Variants in DCHS2 observed in about 807,000 individuals in gnomAD.
The protein encoded by DCHS2 is protocadherin-23.
A neutral mutation model predicts 182.4 loss-of-function variants in DCHS2; 142 were observed. The observed-to-expected ratio is 0.78, with a 90% CI of 0.68 to 0.89. The LOEUF (loss-of-function observed/expected upper bound fraction) is 0.89, where lower values mean the gene tolerates loss of function less well. Ranked by LOEUF, DCHS2 falls within the 40% of genes least tolerant of loss-of-function variation. The pLI, the probability that DCHS2 is intolerant of heterozygous loss-of-function variation, is 0.00. For synonymous variants in DCHS2, 1,740 were observed against 1,663.3 expected, an observed-to-expected ratio of 1.05 and a Z score of -1.12; for missense variants, 4,319 against 4,198.6, an observed-to-expected ratio of 1.03 and a Z score of -0.79.
rs1017604735 is a variant in DCHS2 at position 154,323,078 on chromosome 4, A to T, written c.4019-590T>A. Reference sequence around the variant, plus strand: ...ATGGATTCCTGCCACCCATCTCTCTATTTGTCCTTGCAATTTATTTGTTGA... The same window carrying T: ...ATGGATTCCTGCCACCCATCTCTCTTTTTGTCCTTGCAATTTATTTGTTGA... On this transcript the variant is annotated intron_variant, in intron 7 of 19. Coordinates refer to ENST00000357232, the MANE Select transcript of DCHS2 (RefSeq NM_001358235.2). The T allele has an allele frequency of 2.8e-5, 28 of 1,012,620 alleles. No individual in the cohort carries two copies. The African/African-American group carries it at 4.3e-4, about 16-fold the overall frequency. 62.7% of individuals were successfully genotyped at this position (1,012,620 alleles called of 1,614,324 possible). A position where few individuals can be genotyped will look rare whatever the true frequency, so the allele number is the denominator to read the frequency against.
chr4:154,309,000 C>T (rs923477478), intron 10 of DCHS2, among the ~76,000 whole-genome samples: 2 of 152,124 alleles, frequency 1.3e-5, no homozygotes, highest in Admixed American at 1.3e-4. Context: ...AATACCTTAC[C>T]ACAGTCCACA....
At chr4:154,458,171 A>ATTATTTTTAAATGAAATACTTCAAT (rs146567473) in intron 1 of DCHS2, among the ~76,000 whole-genome samples, 27,138 of 151,686 alleles carry the variant, frequency 0.18, 2,977 homozygotes, top group Non-Finnish European at 0.26. Context: ...TTAGTATAAC[A>ATTATTTTTAAATGAAATACTTCAAT]TTATTTTTAA....
chr4:154,485,417 T>C (rs1728551125), intron 1 of DCHS2, among the ~76,000 whole-genome samples: 1 of 152,060 alleles, frequency 6.6e-6, no homozygotes, highest in African/African-American at 2.4e-5. Context: ...GAGGCAGAAT[T>C]TAGTACAGTG....
In DCHS2 at chr4:154,314,941, TA is replaced by T. The variant is rs1402478604; in HGVS notation, c.5260+806del. On this transcript the variant is annotated intron_variant, in intron 10 of 19. Transcript: ENST00000357232. The stretch of plus-strand genomic sequence containing the variant: ...GCTGTGAATAAGAAACACAGCACTG[TA>T]ATTTTTGTAATTATTTTGTTTAAGA... Among the ~76,000 whole-genome samples, 39 of 152,304 alleles carry T rather than the reference TA, an allele frequency of 2.6e-4. No homozygotes were observed. In the South Asian group the frequency reaches 5.8e-3, roughly 23 times the overall value.
intron 1 of DCHS2, among the ~76,000 whole-genome samples, chr4:154,394,114 G>A (rs1314449606): frequency 6.6e-6 from 1 of 152,100 alleles, no homozygotes; most frequent in Non-Finnish European, 1.5e-5. Flanking sequence ...GGCTAGGAGA[G>A]GACCCATCAC....
intron 16 of DCHS2, among the ~76,000 whole-genome samples, chr4:154,249,985 C>T (rs1213014099): frequency 6.6e-6 from 1 of 151,908 alleles, no homozygotes; most frequent in Non-Finnish European, 1.5e-5. Flanking sequence ...AACCTGCACA[C>T]ATGTCTCCTG....
At chr4:154,485,394 A>G (rs1452461548) in intron 1 of DCHS2, among the ~76,000 whole-genome samples, 2 of 152,222 alleles carry the variant, frequency 1.3e-5, no homozygotes, top group African/African-American at 2.4e-5. Context: ...AGAAACAGAT[A>G]CACGCCTCTT....
chr4:154,428,901 C>T (rs1733445162), intron 1 of DCHS2, among the ~76,000 whole-genome samples: 1 of 151,052 alleles, frequency 6.6e-6, no homozygotes, highest in Non-Finnish European at 1.5e-5. Context: ...CAGAGCGAGA[C>T]TCCATCTCAA....
At chr4:154,284,954 C>T (rs934323460) in intron 13 of DCHS2, among the ~76,000 whole-genome samples, 1 of 152,098 alleles carries the variant, frequency 6.6e-6, no homozygotes, top group African/African-American at 2.4e-5. Context: ...CAGCTTATAA[C>T]TCCAGGACAG....
intron 14 of DCHS2, among the ~76,000 whole-genome samples, chr4:154,264,520 C>G (rs1733151030): frequency 6.6e-6 from 1 of 152,004 alleles, no homozygotes; most frequent in African/African-American, 2.4e-5. Flanking sequence ...AGTCACATAG[C>G]CCAACATTTG....
chr4:154,415,536 A>G (rs1386219823), intron 1 of DCHS2, among the ~76,000 whole-genome samples: 1 of 152,184 alleles, frequency 6.6e-6, no homozygotes, highest in Non-Finnish European at 1.5e-5. Context: ...TTTTTGGAGA[A>G]GCAACCAGAG....
At chr4:154,371,132 A>C (rs1730625393) in intron 2 of DCHS2, among the ~76,000 whole-genome samples, 1 of 152,058 alleles carries the variant, frequency 6.6e-6, no homozygotes. Context: ...AATGATGAGG[A>C]AACTGGTGAA....
In DCHS2 at chr4:154,298,486, C is replaced by G. The variant is rs957206467; in HGVS notation, c.5828G>C (p.Arg1943Thr). ...CACTGTTCCCACTTCAGCATCTTCT[C>G]TCACAGAGGACTGGTAATAAAGTGT... ...FPTLYYQSSV[R>T]EDAEVGTVVL... Residue 1943 changes from arginine to threonine, a missense_variant, in exon 13 of 20, where the codon AGA becomes ACA. Coordinates refer to ENST00000357232, the MANE Select transcript of DCHS2 (RefSeq NM_001358235.2). The G allele has an allele frequency of 1.2e-6, 2 of 1,614,116 alleles. No homozygotes were observed. Among genetic ancestry groups the G allele is most frequent in the Admixed American group, 3.3e-5 (2 of 60,014 alleles).
At chr4:154,437,904 G>T (rs990041064) in intron 1 of DCHS2, among the ~76,000 whole-genome samples, 2 of 152,092 alleles carry the variant, frequency 1.3e-5, no homozygotes, top group Non-Finnish European at 2.9e-5. Context: ...GGGCATGATG[G>T]CTCATGCCTG....
intron 3 of DCHS2, among the ~76,000 whole-genome samples, chr4:154,349,552 G>A (rs920130739): frequency 1.3e-5 from 2 of 152,144 alleles, no homozygotes; most frequent in African/African-American, 4.8e-5. Context: ...TATTATTTCT[G>A]CCTTCTCCTT....
At position 154,315,878 on chromosome 4, in the gene DCHS2, C is replaced by T; in HGVS notation, c.5130G>A (p.Leu1710=). 1 of 1,613,980 alleles carries T rather than the reference C, an allele frequency of 6.2e-7. No individual in the cohort carries two copies. ...GTPALSSSQT[L]TVTVLDVNDE... ...CATTTACATCAAGAACAGTAACTGT[C>T]AAAGTCTGGGATGAAGAAAGTGCTG... Residue 1710 remains leucine (L), a synonymous_variant, in exon 10 of 20, where the codon TTG becomes TTA. Transcript: ENST00000357232.
At chr4:154,434,745 T>C (rs1404498877) in intron 1 of DCHS2, among the ~76,000 whole-genome samples, 1 of 152,244 alleles carries the variant, frequency 6.6e-6, no homozygotes. Context: ...CATGTACTTC[T>C]GATATGATGT....
intron 19 of DCHS2, among the ~76,000 whole-genome samples, chr4:154,238,949 T>C (rs759567183): frequency 1.3e-5 from 2 of 152,100 alleles, no homozygotes; most frequent in Non-Finnish European, 2.9e-5. Flanking sequence ...ATTTAAACAG[T>C]GACATTTGCT....
chr4:154,393,927 A>G, intron 1 of DCHS2, among the ~76,000 whole-genome samples: 1 of 152,186 alleles, frequency 6.6e-6, no homozygotes, highest in Non-Finnish European at 1.5e-5. Context: ...TGATGCACAT[A>G]TGGGATAATT....
Sources: gnomAD v4.1 joint callset for allele counts (sites outside exome capture counted in the v4.1 genomes callset) on GRCh38, gnomAD v4.1.1 for gene constraint, MANE v1.5 for transcripts, NCBI Gene and HGNC (gene_info 2026-07-23, HGNC 2026-07-21) for gene names.